The following SHROOM3 variants were observed in gnomAD, a reference collection of about 807,000 sequenced individuals.
The protein encoded by SHROOM3 is shroom family member 3.
A neutral mutation model predicts 138.6 loss-of-function variants in SHROOM3; 47 were observed. That is an observed-to-expected ratio of 0.34 (90% CI 0.27 to 0.43). SHROOM3 has a LOEUF of 0.43. Among genes scored for constraint, SHROOM3 ranks in the 20% least tolerant of loss-of-function variants. The pLI is 1.00. For missense variants in SHROOM3, 2,491 were observed against 2,596.5 expected (o/e 0.96, Z 0.88); for synonymous variants, 1,062 against 1,063.3 (o/e 1.00, Z 0.02).
At chr4:76,652,520 A>G (rs1246440661) in intron 2 of SHROOM3, among the ~76,000 whole-genome samples, 1 of 152,230 alleles carries the variant, frequency 6.6e-6, no homozygotes, top group Non-Finnish European at 1.5e-5. Flanking sequence ...TAGGTTACAC[A>G]TAGCTGATGG....
At chr4:76,518,399 C>A (rs1732488954) in intron 1 of SHROOM3, among the ~76,000 whole-genome samples, 1 of 152,116 alleles carries the variant, frequency 6.6e-6, no homozygotes, top group Non-Finnish European at 1.5e-5. Context: ...CTTTGAAAGA[C>A]AGAGGCAAAA....
At chr4:76,567,099 C>G (rs947499632) in intron 2 of SHROOM3, among the ~76,000 whole-genome samples, 1 of 152,194 alleles carries the variant, frequency 6.6e-6, no homozygotes, top group Non-Finnish European at 1.5e-5. Flanking sequence ...AAACTCTAGT[C>G]TGATGCTGCG....
At chr4:76,565,159 TCAA>T (rs1560547490) in intron 2 of SHROOM3, among the ~76,000 whole-genome samples, 10 of 75,670 alleles carry the variant, frequency 1.3e-4, no homozygotes, top group Non-Finnish European at 1.4e-4. Flanking sequence ...AGACTCCATT[TCAA>T]AAAAAAAAAA....
chr4:76,725,347 G>A (rs1476200305), intron 3 of SHROOM3, among the ~76,000 whole-genome samples: 1 of 152,022 alleles, frequency 6.6e-6, no homozygotes, highest in East Asian at 1.9e-4. Flanking sequence ...TGTACTGTAG[G>A]AATTATTTCA....
At chr4:76,521,223 C>G (rs1732557081) in intron 1 of SHROOM3, among the ~76,000 whole-genome samples, 1 of 152,004 alleles carries the variant, frequency 6.6e-6, no homozygotes, top group South Asian at 2.1e-4. Flanking sequence ...AATCTATTTA[C>G]AGTCAATAAG....
chr4:76,444,546 T>A (rs1463147356), intron 1 of SHROOM3, among the ~76,000 whole-genome samples: 1 of 132,098 alleles, frequency 7.6e-6, no homozygotes, highest in Non-Finnish European at 1.5e-5. Context: ...CAGGCTGGAG[T>A]GCAGTGACAC....
chr4:76,593,296 G>A lies in SHROOM3; in HGVS notation c.323+37533G>A, dbSNP rs561013648. On this transcript the variant is annotated intron_variant, in intron 2 of 10. Coordinates refer to ENST00000296043, the MANE Select transcript of SHROOM3 (RefSeq NM_020859.4). ...CAGAGGGGTTTGAGTTTATCCACAC[G>A]ACATACTAAAAGAAGCCCTTTGGGG... 1.3e-3 allele frequency among the ~76,000 whole-genome samples: 193 copies of A among 152,238 alleles called. 1 individual carries two copies. Among genetic ancestry groups the A allele is most frequent in the African/African-American group, 4.5e-3 (186 of 41,550 alleles).
intron 2 of SHROOM3, among the ~76,000 whole-genome samples, chr4:76,652,623 T>C (rs1735983834): frequency 6.6e-6 from 1 of 152,182 alleles, no homozygotes; most frequent in Non-Finnish European, 1.5e-5. Context: ...ATAAAACTCA[T>C]GCAACAGCAT....
At chr4:76,696,406 G>A (rs1004435785) in intron 2 of SHROOM3, among the ~76,000 whole-genome samples, 1 of 152,186 alleles carries the variant, frequency 6.6e-6, no homozygotes, top group South Asian at 2.1e-4. Context: ...CTCCCCTACT[G>A]AGCCAGGTCT....
rs757255235 is a variant in SHROOM3 at position 76,477,529 on chromosome 4, G to A, written c.168+41309G>A. Among the ~76,000 whole-genome samples the A allele has an allele frequency of 4.4e-4, 67 of 151,882 alleles. 1 individual carries two copies. Among genetic ancestry groups the A allele is most frequent in the Non-Finnish European group, 7.4e-4 (50 of 68,010 alleles). ...TTTTAAATTTTGGAATTATTCTCAT[G>A]ATTTTTTATCATATATACATATATA... On this transcript the variant is annotated intron_variant, in intron 1 of 10. Coordinates refer to ENST00000296043, the MANE Select transcript of SHROOM3 (RefSeq NM_020859.4).
At chr4:76,643,122 G>A (rs994168647) in intron 2 of SHROOM3, among the ~76,000 whole-genome samples, 2 of 151,244 alleles carry the variant, frequency 1.3e-5, no homozygotes, top group African/African-American at 4.9e-5. Flanking sequence ...GCTGAGGCAG[G>A]AGAATTGCTT....
In SHROOM3 at chr4:76,546,990, T is replaced by C. The variant is rs550533802; in HGVS notation, c.169-8619T>C. ...AGTGGAGTTGTTTGTAAATGAATCATTCCCTGTTCAGTTTGATGTAGCAAG... is the reference window on the plus strand; with the variant it reads ...AGTGGAGTTGTTTGTAAATGAATCACTCCCTGTTCAGTTTGATGTAGCAAG... On this transcript the variant is annotated intron_variant, in intron 1 of 10. Transcript: ENST00000296043. Among the ~76,000 whole-genome samples the C allele has an allele frequency of 1.6e-4, 25 of 152,372 alleles. No individual in the cohort carries two copies. The East Asian group carries it at 4.8e-3, about 29-fold the overall frequency.
At chr4:76,746,062 G>A (rs1721425924) in intron 5 of SHROOM3, among the ~76,000 whole-genome samples, 2 of 152,178 alleles carry the variant, frequency 1.3e-5, no homozygotes, top group African/African-American at 2.4e-5. Flanking sequence ...TACAGAAGAA[G>A]GAACCAAGTC....
intron 1 of SHROOM3, among the ~76,000 whole-genome samples, chr4:76,546,398 G>A (rs560558903): frequency 1.3e-5 from 2 of 152,350 alleles, no homozygotes; most frequent in South Asian, 4.1e-4. Flanking sequence ...GGCACTCATT[G>A]CAACCCATGG....
intron 4 of SHROOM3, among the ~76,000 whole-genome samples, chr4:76,735,862 AAAAAAAATATATATATATATATAT>A (rs1005456994): frequency 3.4e-4 from 6 of 17,540 alleles, no homozygotes; most frequent in African/African-American, 8.4e-4. Context: ...AAAAAAAAAA[AAAAAAAATATATATATATATATAT>A]ATATATATAT....
intron 2 of SHROOM3, among the ~76,000 whole-genome samples, chr4:76,634,810 T>G (rs188778836): frequency 5.0e-4 from 76 of 152,290 alleles, no homozygotes; most frequent in African/African-American, 1.7e-3. Flanking sequence ...TTTGTGTGAC[T>G]TAGAGGAAGA....
intron 1 of SHROOM3, among the ~76,000 whole-genome samples, chr4:76,480,983 G>A (rs559644593): frequency 5.9e-5 from 9 of 152,268 alleles, no homozygotes; most frequent in Middle Eastern, 3.4e-3. Context: ...AGCTAAAGCC[G>A]TGTTTAGAGG....
At chr4:76,463,110 A>G (rs777804207) in intron 1 of SHROOM3, among the ~76,000 whole-genome samples, 1 of 152,222 alleles carries the variant, frequency 6.6e-6, no homozygotes, top group Non-Finnish European at 1.5e-5. Context: ...CTAGAGACTT[A>G]GTGAATGGTT....
At chr4:76,688,527 CCTTA>C (rs1719405706) in intron 2 of SHROOM3, 1 of 985,200 alleles carries the variant, frequency 1.0e-6, no homozygotes, top group African/African-American at 1.7e-5. Context: ...CAATTTCAAA[CCTTA>C]CTGTTACTTT....
Sources: allele counts gnomAD v4.1 joint callset (sites outside exome capture counted in the v4.1 genomes callset), GRCh38; gene constraint gnomAD v4.1.1; transcripts MANE v1.5; gene names NCBI Gene and HGNC (gene_info 2026-07-23, HGNC 2026-07-21).